KCND1: variants seen among roughly 807,000 people sequenced by gnomAD.
KCND1 encodes potassium voltage-gated channel subfamily D member 1.
Under a neutral mutation model 31.8 loss-of-function variants are expected in KCND1, and 11 were observed. That is an observed-to-expected ratio of 0.35 (90% confidence interval 0.22 to 0.57). The LOEUF (loss-of-function observed/expected upper bound fraction) is 0.57. Among genes scored for constraint, KCND1 ranks in the 20% least tolerant of loss-of-function variants. The pLI is 0.85. For missense variants in KCND1, 471 were observed against 596.8 expected (o/e 0.79, Z 2.20); for synonymous variants, 234 against 248.1 (o/e 0.94, Z 0.53).
chrX:48,962,145 G>A lies in KCND1; in HGVS notation c.*436C>T, dbSNP rs1686581250. ...TCGTAGAGGCCAGATCAGAGGTGAG[G>A]GTTCTCTTCTCTGAACCTCCAAAGC... is the stretch of plus-strand genomic sequence containing the variant. On this transcript the variant is annotated 3_prime_UTR_variant, in exon 6 of 6. Transcript: ENST00000218176. 8.0e-6 allele frequency: 1 copy of A among 125,673 alleles called. No homozygotes were observed. The highest frequency in any genetic ancestry group is 1.6e-5 in the Non-Finnish European group (1 of 61,399). 10.4% of individuals were successfully genotyped at this position (125,673 alleles called of 1,213,427 possible). A position where few individuals can be genotyped will look rare whatever the true frequency, so the allele number is the denominator to read the frequency against.
At chrX:48,967,447 G>A (rs1355862351) in intron 1 of KCND1, 4 of 215,488 alleles carry the variant, frequency 1.9e-5, no homozygotes, top group Non-Finnish European at 3.4e-5. Flanking sequence ...CAGCCGAAGG[G>A]CTTCAAGTCC....
intron 1 of KCND1, among the ~76,000 whole-genome samples, chrX:48,968,780 G>A (rs1602459267): frequency 1.8e-5 from 2 of 112,359 alleles, no homozygotes; most frequent in African/African-American, 6.5e-5. Context: ...GAGGCCAGGC[G>A]CGGTGGCTCA....
At chrX:48,963,531 C>T (rs899774892) in intron 5 of KCND1, among the ~76,000 whole-genome samples, 1 of 110,857 alleles carries the variant, frequency 9.0e-6, no homozygotes, top group Admixed American at 9.6e-5. Context: ...GTGCTAAGTA[C>T]TTAAGTACTT....
intron 1 of KCND1, chrX:48,968,097 T>C (rs1328861230): frequency 9.0e-6 from 1 of 111,698 alleles, no homozygotes; most frequent in Non-Finnish European, 1.9e-5. Flanking sequence ...TTCTACGCTT[T>C]AGAAACCCCA....
Position 48,969,375 on chromosome X carries a change from C to G in KCND1, c.897G>C (p.Val299=). Residue 299 remains valine (V), a synonymous_variant, in exon 1 of 6, where the codon GTG becomes GTC. Transcript: ENST00000218176. ...GCCTGGAGAACTTGAAGATGCGAAACACCCGGAACACACGCAGGGTGACAA... is the reference window on the plus strand; with the variant it reads ...GCCTGGAGAACTTGAAGATGCGAAAGACCCGGAACACACGCAGGGTGACAA... ...GAFVTLRVFR[V]FRIFKFSRHS... 8.3e-7 allele frequency: 1 copy of G among 1,210,154 alleles called. No individual in the cohort carries two copies. Among genetic ancestry groups the G allele is most frequent in the East Asian group, 3.0e-5 (1 of 33,795 alleles).
intron 5 of KCND1, 146 bp downstream of exon 5, chrX:48,965,909 T>G: frequency 3.4e-6 from 2 of 595,316 alleles, no homozygotes; most frequent in Non-Finnish European, 5.1e-6. Context: ...AAGAATGAGT[T>G]CCAGACAAGA....
rs1557058736 is a variant in KCND1, at chrX:48,970,162, C to T, written c.110G>A (p.Arg37Gln). ...LPPAPGVKAS[R>Q]GDEVLVVNVS... ...GTTCACCACCAGAACCTCATCTCCTCGAGATGCCTTCACCCCCGGTGCCGG... is the reference window on the plus strand; with the variant it reads ...GTTCACCACCAGAACCTCATCTCCTTGAGATGCCTTCACCCCCGGTGCCGG... Residue 37 changes from arginine (R) to glutamine (Q), a missense_variant, in exon 1 of 6, where the codon CGA (arginine) becomes CAA (glutamine). By Grantham distance (43) the Arg-to-Gln change is conservative. Around this residue, in one of 3 missense-constraint regions of KCND1, gnomAD observed 212 missense variants for 257.9 expected, o/e 0.82. Coordinates refer to ENST00000218176, the MANE Select transcript of KCND1 (RefSeq NM_004979.6). 4 of 1,210,547 alleles carry T rather than the reference C, an allele frequency of 3.3e-6. No homozygotes were observed. In the Admixed American group the frequency reaches 6.5e-5, roughly 20 times the overall value.
chrX:48,963,419 C>T (rs934803283), intron 5 of KCND1, among the ~76,000 whole-genome samples: 35 of 107,990 alleles, frequency 3.2e-4, no homozygotes, highest in Non-Finnish European at 5.8e-4. Context: ...TGCACTCCAG[C>T]CTGGGTGACA....
chrX:48,963,117 C>T (rs2064332793), intron 5 of KCND1, among the ~76,000 whole-genome samples: 1 of 98,913 alleles, frequency 1.0e-5, no homozygotes, highest in African/African-American at 3.8e-5. Context: ...GCCTGGGTGA[C>T]GGAATGAGAC....
In KCND1 at chrX:48,969,912, G is replaced by A; in HGVS notation, c.360C>T (p.Phe120=). The A allele has an allele frequency of 8.3e-7, 1 of 1,211,583 alleles. No individual in the cohort carries two copies. Among genetic ancestry groups the A allele is most frequent in the East Asian group, 3.0e-5 (1 of 33,848 alleles). Reference sequence around the variant, plus strand: ...CGACTAGCTCGGGAACCAGGCCGTAGAAAGCCAGCTCTTCGTCGAAGGCCT... The same window carrying A: ...CGACTAGCTCGGGAACCAGGCCGTAAAAAGCCAGCTCTTCGTCGAAGGCCT... ...CIQAFDEELA[F]YGLVPELVGD... The change falls in exon 1 of 6, where the codon TTC becomes TTT. Residue 120 remains phenylalanine, a synonymous_variant. Coordinates refer to ENST00000218176, the MANE Select transcript of KCND1 (RefSeq NM_004979.6).
rs782755448 is a variant in KCND1 at position 48,966,162 on chromosome X, G to A, written c.1611C>T (p.Ala537=). 2 of 1,210,297 alleles carry A rather than the reference G, an allele frequency of 1.7e-6. No homozygotes were observed. The highest frequency in any genetic ancestry group is 1.8e-5 in the South Asian group (1 of 56,716). Residue 537 remains alanine (A), a synonymous_variant, in exon 5 of 6, where the codon GCC becomes GCT. Transcript: ENST00000218176. The part of the protein sequence containing the change: ...SLLSSCCPRR[A]KRRAIRLANS... ...TGGCAAGGCGGATGGCGCGGCGCTTGGCCCTGCGAGGGCAGCAAGAAGACA... is the reference window on the plus strand; with the variant it reads ...TGGCAAGGCGGATGGCGCGGCGCTTAGCCCTGCGAGGGCAGCAAGAAGACA...
rs2064329636 is a variant in KCND1, at chrX:48,962,747, T to C, written c.1778A>G (p.Asp593Gly). 1 of 1,208,314 alleles carries C rather than the reference T, an allele frequency of 8.3e-7. No homozygotes were observed. Among genetic ancestry groups the C allele is most frequent in the South Asian group, 1.8e-5 (1 of 56,565 alleles). ...GATGCTGATAATGGCAGCCACGAAG[T>C]CCCGGCTGTCGCAGTTCAGGTCAAG... ...DSLDLNCDSRDFVAAIISIPT... is the reference protein window; with the variant it reads ...DSLDLNCDSRGFVAAIISIPT... Residue 593 changes from aspartate (D) to glycine (G), a missense_variant, in exon 6 of 6, where the codon GAC becomes GGC. Coordinates refer to ENST00000218176, the MANE Select transcript of KCND1 (RefSeq NM_004979.6).
In KCND1 at chrX:48,969,414, A is replaced by G. The variant is rs1557058438; in HGVS notation, c.858T>C (p.Asp286=). Residue 286 remains aspartate, a synonymous_variant, in exon 1 of 6, where the codon GAT becomes GAC. Transcript: ENST00000218176. ...GCAGGGTGACAAAGGCGCCAGAGAC[A>G]TCGTCGTTCTTGGGCACCAAAAGCC... is the stretch of plus-strand genomic sequence containing the variant. The part of the protein sequence containing the change: ...YIGLLVPKND[D]VSGAFVTLRV... 17 of 1,209,346 alleles carry G rather than the reference A, an allele frequency of 1.4e-5. No homozygotes were observed. The highest frequency in any genetic ancestry group is 1.7e-5 in the African/African-American group (1 of 57,280).
chrX:48,963,777 T>C (rs2064336431), intron 5 of KCND1, among the ~76,000 whole-genome samples: 1 of 112,147 alleles, frequency 8.9e-6, no homozygotes, highest in East Asian at 2.8e-4. Context: ...ATGAAAATGC[T>C]ATCTCTCATG....
chrX:48,966,734 C>T (rs1557058076), intron 3 of KCND1, 27 bp downstream of exon 3: 1 of 1,206,682 alleles, frequency 8.3e-7, no homozygotes. Flanking sequence ...TATGGCTCAC[C>T]CCAACCCTAT....
chrX:48,967,706 A>G (rs1557058256), intron 1 of KCND1: 2 of 111,890 alleles, frequency 1.8e-5, no homozygotes, highest in African/African-American at 6.6e-5. Context: ...GACTCGCCCA[A>G]GATCACACTG....
In KCND1 at chrX:48,970,403, C is replaced by T. The variant is rs2064381630; in HGVS notation, c.-132G>A. 1 of 537,308 alleles carries T rather than the reference C, an allele frequency of 1.9e-6. No homozygotes were observed. 44.3% of individuals were successfully genotyped at this position (537,308 alleles called of 1,213,427 possible). Reference sequence around the variant, plus strand: ...AGGAAACTGGGGGTGTCTAGAGAGGCCAAGAGGAACCAGGAGGAAGAACTA... The same window carrying T: ...AGGAAACTGGGGGTGTCTAGAGAGGTCAAGAGGAACCAGGAGGAAGAACTA... On this transcript the variant is annotated 5_prime_UTR_variant, in exon 1 of 6. It introduces an in-frame stop codon into an upstream open reading frame of the 5' UTR. Coordinates refer to ENST00000218176, the MANE Select transcript of KCND1 (RefSeq NM_004979.6).
chrX:48,962,473 G>A lies in KCND1; in HGVS notation c.*108C>T. 3.9e-6 allele frequency: 2 copies of A among 515,669 alleles called. No homozygotes were observed. Among genetic ancestry groups the A allele is most frequent in the East Asian group, 3.6e-5 (1 of 27,420 alleles). 42.5% of individuals were successfully genotyped at this position (515,669 alleles called of 1,213,427 possible). On this transcript the variant is annotated 3_prime_UTR_variant, in exon 6 of 6. Coordinates refer to ENST00000218176, the MANE Select transcript of KCND1 (RefSeq NM_004979.6). ...CTCCATTGCATAGTTCTCAGTGGGGGGGGCAGAAGGGGTGCCCAAGCCTGC... is the reference window on the plus strand; with the variant it reads ...CTCCATTGCATAGTTCTCAGTGGGGAGGGCAGAAGGGGTGCCCAAGCCTGC...
rs1208544033 is a variant in KCND1 at position 48,965,014 on chromosome X, T to TAA, written c.1718+1039_1718+1040dup. Among the ~76,000 whole-genome samples, 261 of 73,611 alleles carry TAA rather than the reference T, an allele frequency of 3.5e-3. 1 individual carries two copies. Among genetic ancestry groups the TAA allele is most frequent in the African/African-American group, 6.0e-3 (117 of 19,620 alleles). The allele number at this position is 73,611 out of a possible 115,157, so 63.9% of individuals were successfully genotyped here. A position where few individuals can be genotyped will look rare whatever the true frequency, so the allele number is the denominator to read the frequency against. ...TGCAGCCTAGCAACAAGACTCCGTCTAAAAAAAAAAAAAAACTGCATCACC... is the reference window on the plus strand; with the variant it reads ...TGCAGCCTAGCAACAAGACTCCGTCTAAAAAAAAAAAAAAAAACTGCATCACC... On this transcript the variant is annotated intron_variant, in intron 5 of 5. Coordinates refer to ENST00000218176, the MANE Select transcript of KCND1 (RefSeq NM_004979.6).
Sources: allele counts gnomAD v4.1 joint callset (sites outside exome capture counted in the v4.1 genomes callset), GRCh38; gene constraint gnomAD v4.1.1; regional missense constraint gnomAD v4.1.1; transcripts MANE v1.5; gene names NCBI Gene and HGNC (gene_info 2026-07-23, HGNC 2026-07-21).